Variants in ARID3A observed in about 807,000 individuals in gnomAD.
ARID3A encodes AT-rich interactive domain-containing protein 3A.
A neutral mutation model predicts 52.7 loss-of-function variants in ARID3A; 11 were observed. That is an observed-to-expected ratio of 0.21 (90% CI 0.13 to 0.35). The LOEUF is 0.35. Among genes scored for constraint, ARID3A ranks in the 10% least tolerant of loss-of-function variants. The pLI is 1.00. For synonymous variants in ARID3A, 404 were observed against 359.4 expected (o/e 1.12, Z -1.40); for missense variants, 721 against 838.5 (o/e 0.86, Z 1.73).
chr19:948,834 C>T (rs1461173332), intron 3 of ARID3A, among the ~76,000 whole-genome samples: 2 of 151,872 alleles, frequency 1.3e-5, no homozygotes, highest in Admixed American at 1.3e-4. Flanking sequence ...CTCAGCCTCC[C>T]GAGTAGCTGG....
intron 3 of ARID3A, among the ~76,000 whole-genome samples, chr19:955,471 G>A (rs1044391181): frequency 3.9e-5 from 6 of 152,178 alleles, no homozygotes; most frequent in African/African-American, 9.7e-5. Context: ...GGCCCAGTTC[G>A]CCCACCATTT....
intron 1 of ARID3A, among the ~76,000 whole-genome samples, chr19:927,698 TG>T (rs1335045197): frequency 5.2e-5 from 1 of 19,310 alleles, no homozygotes; most frequent in African/African-American, 2.0e-4. Context: ...GTTGGGTGGG[TG>T]GGGGGTGACC....
At position 932,730 on chromosome 19, in the gene ARID3A, G is replaced by A. The variant is rs1020735523; in HGVS notation, c.681G>A (p.Glu227=). The change falls in exon 3 of 9, where the codon GAG becomes GAA. Residue 227 remains glutamate, a synonymous_variant. Coordinates refer to ENST00000263620, the MANE Select transcript of ARID3A (RefSeq NM_005224.3). ...PPDHGDWTYE[E]QFKQLYELDG... ...ACCACGGCGACTGGACTTACGAGGA[G>A]CAGTTTAAGCAGGTGAGTGGGCGCG... 19 of 1,547,086 alleles carry A rather than the reference G, an allele frequency of 1.2e-5. No homozygotes were observed. In the African/African-American group the frequency reaches 2.2e-4, roughly 18 times the overall value.
intron 4 of ARID3A, among the ~76,000 whole-genome samples, chr19:961,409 G>C (rs986529992): frequency 1.3e-5 from 2 of 152,212 alleles, no homozygotes; most frequent in African/African-American, 4.8e-5. Context: ...CTGGGCGGGG[G>C]CCCCTCCTGT....
chr19:931,990 G>A (rs977819581), intron 2 of ARID3A, among the ~76,000 whole-genome samples: 1 of 151,934 alleles, frequency 6.6e-6, no homozygotes, highest in African/African-American at 2.4e-5. Context: ...CCAGCCTGCC[G>A]TAATGATTCC....
At chr19:946,554 C>T (rs1424661116) in intron 3 of ARID3A, among the ~76,000 whole-genome samples, 1 of 150,676 alleles carries the variant, frequency 6.6e-6, no homozygotes, top group East Asian at 2.0e-4. Flanking sequence ...CATTTTCCTG[C>T]CTCAGCCTCC....
Position 947,812 on chromosome 19 carries a change from G to A in ARID3A, c.694-12280G>A, listed in dbSNP as rs910867635. Among the ~76,000 whole-genome samples, 3 of 152,250 alleles carry A rather than the reference G, an allele frequency of 2.0e-5. No individual in the cohort carries two copies. The highest frequency in any genetic ancestry group is 3.8e-4 in the East Asian group (2 of 5,202). ...GACTCGGGGCCCATCAGGGCCGGGG[G>A]AGTGGAGCCGGCAGATGTTCGGCCC... On this transcript the variant is annotated intron_variant, in intron 3 of 8. Transcript: ENST00000263620. The surrounding 1 kb of genome is among the most constrained non-coding windows in gnomAD (Gnocchi z 6.3).
intron 3 of ARID3A, among the ~76,000 whole-genome samples, chr19:935,684 G>A (rs2037424538): frequency 6.6e-6 from 1 of 152,058 alleles, no homozygotes; most frequent in Non-Finnish European, 1.5e-5. Flanking sequence ...GCCCAGGCTG[G>A]TCTAGAACTC....
chr19:940,133 C>T (rs889363434), intron 3 of ARID3A, among the ~76,000 whole-genome samples: 7 of 151,942 alleles, frequency 4.6e-5, no homozygotes, highest in African/African-American at 9.7e-5. Context: ...AGTTTGTTAG[C>T]GAGCCACAGC....
chr19:961,055 G>A (rs1234740569), intron 4 of ARID3A, among the ~76,000 whole-genome samples: 2 of 152,138 alleles, frequency 1.3e-5, no homozygotes, highest in African/African-American at 2.4e-5. Flanking sequence ...AGCGTCTGCT[G>A]CCAGGTAGGA....
chr19:931,904 G>A (rs886564624), intron 2 of ARID3A, among the ~76,000 whole-genome samples: 3 of 152,124 alleles, frequency 2.0e-5, no homozygotes, highest in African/African-American at 7.2e-5. Flanking sequence ...GATTTCAGAT[G>A]GCGGTGGGAG....
rs973794963 is a variant in ARID3A, at chr19:960,461, G to A, written c.766+297G>A. 6.6e-6 allele frequency among the ~76,000 whole-genome samples: 1 copy of A among 152,102 alleles called. No individual in the cohort carries two copies. Among genetic ancestry groups the A allele is most frequent in the Non-Finnish European group, 1.5e-5 (1 of 68,000 alleles). On this transcript the variant is annotated intron_variant, in intron 4 of 8. Coordinates refer to ENST00000263620, the MANE Select transcript of ARID3A (RefSeq NM_005224.3). This position sits in a 1 kb window ranked among gnomAD's most constrained non-coding sequence, Gnocchi z 4.3. The stretch of plus-strand genomic sequence containing the variant: ...GTCCAGGTCATCTCCTTAGCATCCA[G>A]GGTGCAGTGAAGTGGGGGTCCCCAC...
chr19:950,710 G>A (rs2037787675), intron 3 of ARID3A, among the ~76,000 whole-genome samples: 1 of 152,194 alleles, frequency 6.6e-6, no homozygotes, highest in African/African-American at 2.4e-5. Context: ...GGAGGCTGCT[G>A]GAAGGAGAGG....
At chr19:948,952 G>C (rs937743648) in intron 3 of ARID3A, among the ~76,000 whole-genome samples, 4 of 151,982 alleles carry the variant, frequency 2.6e-5, no homozygotes, top group African/African-American at 9.7e-5. Flanking sequence ...CAGGTGATCC[G>C]CCCGCCTCGG....
Position 953,778 on chromosome 19 carries a change from TAGAA to T in ARID3A, c.694-6310_694-6307del, listed in dbSNP as rs894450128. On this transcript the variant is annotated intron_variant, in intron 3 of 8. Transcript: ENST00000263620. ...GGGGTGGGGGCCTGTGCGTTTTACA[TAGAA>T]AGACGCCAAGGCTGGGTCTGGGGGC... Among the ~76,000 whole-genome samples, 9 of 152,044 alleles carry T rather than the reference TAGAA, an allele frequency of 5.9e-5. No individual in the cohort carries two copies. In the South Asian group the frequency reaches 6.2e-4, roughly 11 times the overall value.
At chr19:963,336 G>A (rs1005936699) in intron 4 of ARID3A, among the ~76,000 whole-genome samples, 3 of 152,242 alleles carry the variant, frequency 2.0e-5, no homozygotes, top group Non-Finnish European at 4.4e-5. Context: ...CCCCACGTAG[G>A]CAGAACATGG....
chr19:934,454 C>A (rs903911823), intron 3 of ARID3A, among the ~76,000 whole-genome samples: 6 of 152,218 alleles, frequency 3.9e-5, no homozygotes, highest in Non-Finnish European at 2.9e-5. Context: ...GGCGACACCG[C>A]GGGTCAGGGT....
At position 951,813 on chromosome 19, in the gene ARID3A, T is replaced by C. The variant is rs562911870; in HGVS notation, c.694-8279T>C. ...TACTTCTTCAGTTTCCCAGAAGCCA[T>C]ATTGGACAGTGCAAAAACGTGCCTT... On this transcript the variant is annotated intron_variant, in intron 3 of 8. Coordinates refer to ENST00000263620, the MANE Select transcript of ARID3A (RefSeq NM_005224.3). 2.0e-5 allele frequency among the ~76,000 whole-genome samples: 3 copies of C among 152,136 alleles called. No individual in the cohort carries two copies. In the East Asian group the frequency reaches 5.8e-4, roughly 29 times the overall value.
rs984989216 is a variant in ARID3A, at chr19:975,242, G to A, written c.*3177G>A. 3.5e-5 allele frequency: 8 copies of A among 230,796 alleles called. 1 individual carries two copies. Among genetic ancestry groups the A allele is most frequent in the African/African-American group, 1.8e-4 (8 of 45,186 alleles). 14.3% of individuals were successfully genotyped at this position (230,796 alleles called of 1,614,324 possible). On this transcript the variant is annotated 3_prime_UTR_variant, in exon 9 of 9. Transcript: ENST00000263620. ...GGGCCTGGCTGCGTACTGAGTGGGT[G>A]CCCCACAGTCAAGGCCAACGGGGGC...
Sources: allele counts gnomAD v4.1 joint callset (sites outside exome capture counted in the v4.1 genomes callset), GRCh38; gene constraint gnomAD v4.1.1; non-coding constraint Gnocchi (gnomAD v3.1); transcripts MANE v1.5; gene names NCBI Gene and HGNC (gene_info 2026-07-23, HGNC 2026-07-21).